The following ZNF607 variants were observed in gnomAD, a reference collection of about 807,000 sequenced individuals.
ZNF607 encodes the protein zinc finger protein 607.
In ZNF607, 5 loss-of-function variants were observed where a neutral mutation model predicts 12.8. That is an observed-to-expected ratio of 0.39 (90% CI 0.20 to 0.82). ZNF607 has a LOEUF of 0.82. Ranked by LOEUF, ZNF607 falls within the 40% of genes least tolerant of loss-of-function variation. The probability of loss-of-function intolerance (pLI) is 0.39; values close to 1 mark genes in which losing one functional copy is unlikely to be tolerated. For synonymous variants in ZNF607, 287 were observed against 276.2 expected, an observed-to-expected ratio of 1.04 and a Z score of -0.39; for missense variants, 851 against 859.2, an observed-to-expected ratio of 0.99 and a Z score of 0.12.
chr19:37,717,571 G>A (rs974931919), intron 1 of ZNF607, among the ~76,000 whole-genome samples: 2 of 150,034 alleles, frequency 1.3e-5, no homozygotes, highest in African/African-American at 5.0e-5. Flanking sequence ...CAAGGTGGGT[G>A]GATCACCTGA....
At chr19:37,705,850 TTCTC>T (rs748889186) in intron 4 of ZNF607, among the ~76,000 whole-genome samples, 5 of 152,036 alleles carry the variant, frequency 3.3e-5, no homozygotes, top group East Asian at 3.9e-4. Context: ...TTCTCTCTCT[TTCTC>T]TCTCTTTTGT....
chr19:37,719,095 A>C (rs1345977772), intron 1 of ZNF607, 174 bp downstream of exon 1: 1 of 152,612 alleles, frequency 6.6e-6, no homozygotes, highest in Non-Finnish European at 1.5e-5. Context: ...AAGACTCAGT[A>C]TCTGATTTCC....
Position 37,697,984 on chromosome 19 carries a change from A to G in ZNF607, c.*56T>C. The G allele has an allele frequency of 2.0e-6, 3 of 1,465,024 alleles. No individual in the cohort carries two copies. Among genetic ancestry groups the G allele is most frequent in the Non-Finnish European group, 2.7e-6 (3 of 1,096,354 alleles). The allele number at this position is 1,465,024 out of a possible 1,614,324, so 90.8% of individuals were successfully genotyped here. ...CTTCATTCAAATTGTTCAGTGGGAT[A>G]AATCCATTGACACAATGTGCTTTCT... On this transcript the variant is annotated 3_prime_UTR_variant, in exon 5 of 5. Transcript: ENST00000355202.
chr19:37,719,539 C>A lies in ZNF607; in HGVS notation c.-345G>T, dbSNP rs1436780921. The stretch of plus-strand genomic sequence containing the variant: ...CAGAGGCTCCCGCAGTGACCTGCGC[C>A]GCCTTCTTCAGGTGGAACCAAAAGG... On this transcript the variant is annotated 5_prime_UTR_variant, in exon 1 of 5. Transcript: ENST00000355202. 2 of 152,354 alleles carry A rather than the reference C, an allele frequency of 1.3e-5. No homozygotes were observed. The highest frequency in any genetic ancestry group is 4.8e-5 in the African/African-American group (2 of 41,476). 9.4% of individuals were successfully genotyped at this position (152,354 alleles called of 1,614,324 possible).
rs1281703370 is a variant in ZNF607 at position 37,714,991 on chromosome 19, C to T, written c.-74-3299G>A. The stretch of plus-strand genomic sequence containing the variant: ...GCACAATCTTGGCTCACTGCAACCT[C>T]CACCTCCCAGGTTCAAGCTATTCTC... On this transcript the variant is annotated intron_variant, in intron 1 of 4. Transcript: ENST00000355202. Among the ~76,000 whole-genome samples, 3 of 152,022 alleles carry T rather than the reference C, an allele frequency of 2.0e-5. No individual in the cohort carries two copies. The South Asian group carries it at 6.2e-4, about 32-fold the overall frequency.
At position 37,699,728 on chromosome 19, in the gene ZNF607, T is replaced by C. The variant is rs1294010070; in HGVS notation, c.403A>G (p.Ile135Val). The C allele has an allele frequency of 6.2e-7, 1 of 1,614,094 alleles. No homozygotes were observed. Among genetic ancestry groups the C allele is most frequent in the South Asian group, 1.1e-5 (1 of 91,072 alleles). Reference protein sequence around the residue: ...HLTELMVHQTIHTSEEPDQCE... With the variant: ...HLTELMVHQTVHTSEEPDQCE... ...TGATCAGGTTCCTCACTAGTATGAATTGTTTGATGTACCATGAGTTCTGTA... is the reference window on the plus strand; with the variant it reads ...TGATCAGGTTCCTCACTAGTATGAACTGTTTGATGTACCATGAGTTCTGTA... The change falls in exon 5 of 5, where the codon ATT becomes GTT. Residue 135 changes from isoleucine (I) to valine (V), a missense_variant. By Grantham distance (29) the Ile-to-Val change is conservative. Coordinates refer to ENST00000355202, the MANE Select transcript of ZNF607 (RefSeq NM_032689.5).
chr19:37,712,923 T>C (rs1228238308), intron 1 of ZNF607, among the ~76,000 whole-genome samples: 1 of 152,126 alleles, frequency 6.6e-6, no homozygotes, highest in Non-Finnish European at 1.5e-5. Context: ...TCCAACAACA[T>C]GGGGAACTGT....
Position 37,697,133 on chromosome 19 carries a change from G to A in ZNF607, c.*907C>T. 1 of 747,086 alleles carries A rather than the reference G, an allele frequency of 1.3e-6. No individual in the cohort carries two copies. The highest frequency in any genetic ancestry group is 2.5e-6 in the Non-Finnish European group (1 of 398,870). 46.3% of individuals were successfully genotyped at this position (747,086 alleles called of 1,614,324 possible). On this transcript the variant is annotated 3_prime_UTR_variant, in exon 5 of 5. Coordinates refer to ENST00000355202, the MANE Select transcript of ZNF607 (RefSeq NM_032689.5). ...TGGGCCGGAAGAGGATGCACAGTGT[G>A]ATGTTGACATTCTGTAAATCTTTGC... is the stretch of plus-strand genomic sequence containing the variant.
intron 1 of ZNF607, among the ~76,000 whole-genome samples, chr19:37,714,545 C>T (rs918895210): frequency 7.9e-6 from 1 of 126,472 alleles, no homozygotes; most frequent in Admixed American, 9.3e-5. Context: ...GCCTGGATGG[C>T]AGAGTGAGAC....
At chr19:37,701,347 C>T (rs1199628861) in intron 4 of ZNF607, among the ~76,000 whole-genome samples, 3 of 152,202 alleles carry the variant, frequency 2.0e-5, no homozygotes, top group Non-Finnish European at 2.9e-5. Flanking sequence ...TCCTCTAAAG[C>T]AACCTTTTTC....
chr19:37,701,103 A>G (rs1299088522), intron 4 of ZNF607, among the ~76,000 whole-genome samples: 1 of 152,214 alleles, frequency 6.6e-6, no homozygotes, highest in Non-Finnish European at 1.5e-5. Context: ...ATTTCTCAAT[A>G]TCTGAATTTT....
rs184209892 is a variant in ZNF607, at chr19:37,701,300, T to C, written c.236-1405A>G. Among the ~76,000 whole-genome samples, 455 of 152,340 alleles carry C rather than the reference T, an allele frequency of 3.0e-3. 1 individual carries two copies. The highest frequency in any genetic ancestry group is 4.5e-3 in the Non-Finnish European group (306 of 68,038). On this transcript the variant is annotated intron_variant, in intron 4 of 4. Coordinates refer to ENST00000355202, the MANE Select transcript of ZNF607 (RefSeq NM_032689.5). Reference sequence around the variant, plus strand: ...TCTCTTCAAAGAATTAATCTATCAGTATGTTCAATCTTTGCCTTCTACATT... The same window carrying C: ...TCTCTTCAAAGAATTAATCTATCAGCATGTTCAATCTTTGCCTTCTACATT...
chr19:37,703,408 T>C (rs1169501042), intron 4 of ZNF607, among the ~76,000 whole-genome samples: 19 of 152,232 alleles, frequency 1.2e-4, no homozygotes, highest in Middle Eastern at 3.4e-3. Context: ...TCAAAACACT[T>C]TAATTAAAAG....
Position 37,698,195 on chromosome 19 carries a change from T to A in ZNF607, c.1936A>T (p.Met646Leu). 1 of 1,614,034 alleles carries A rather than the reference T, an allele frequency of 6.2e-7. No homozygotes were observed. The highest frequency in any genetic ancestry group is 8.5e-7 in the Non-Finnish European group (1 of 1,180,010). ...AAAGCTTTCCCACACTCTTCACACA[T>A]ATAGGGATTTCCATCAGCATGAACG... ...ESVHADGNPY[M>L]CEECGKAFNS... Residue 646 changes from methionine (M) to leucine (L), a missense_variant, in exon 5 of 5, where the codon ATG becomes TTG. Met to Leu is a conservative substitution (Grantham distance 15, BLOSUM62 2). Transcript: ENST00000355202.
At chr19:37,709,238 C>G (rs572192625) in intron 3 of ZNF607, among the ~76,000 whole-genome samples, 2 of 152,288 alleles carry the variant, frequency 1.3e-5, no homozygotes, top group South Asian at 4.1e-4. Flanking sequence ...TCCAGTCCAC[C>G]ACTCTATGCC....
At position 37,697,041 on chromosome 19, in the gene ZNF607, A is replaced by G; in HGVS notation, c.*999T>C. 4.1e-6 allele frequency: 3 copies of G among 732,186 alleles called. No individual in the cohort carries two copies. Among genetic ancestry groups the G allele is most frequent in the South Asian group, 1.4e-5 (1 of 71,724 alleles). The allele number at this position is 732,186 out of a possible 1,614,324, so 45.4% of individuals were successfully genotyped here. A position where few individuals can be genotyped will look rare whatever the true frequency, so the allele number is the denominator to read the frequency against. On this transcript the variant is annotated 3_prime_UTR_variant, in exon 5 of 5. Coordinates refer to ENST00000355202, the MANE Select transcript of ZNF607 (RefSeq NM_032689.5). ...TGACTTGAGGATCTCCGTGGTAATGAACGGCAGCACACACTCATCGTAGTC... is the reference window on the plus strand; with the variant it reads ...TGACTTGAGGATCTCCGTGGTAATGGACGGCAGCACACACTCATCGTAGTC...
chr19:37,714,279 G>C (rs374384182), intron 1 of ZNF607, among the ~76,000 whole-genome samples: 23 of 150,874 alleles, frequency 1.5e-4, no homozygotes, highest in African/African-American at 5.6e-4. Context: ...CCAAGATCGC[G>C]CCACTGCACT....
In ZNF607 at chr19:37,699,481, C is replaced by G. The variant is rs762910706; in HGVS notation, c.650G>C (p.Arg217Thr). The G allele has an allele frequency of 6.2e-7, 1 of 1,613,882 alleles. No individual in the cohort carries two copies. Among genetic ancestry groups the G allele is most frequent in the Non-Finnish European group, 8.5e-7 (1 of 1,179,866 alleles). ...GTAGGGTTTCTCACCATAATGAAAT[C>G]TATGATGTACAGTAAGTTGACGGCT... ...RTSRQLTVHH[R>T]FHYGEKPYEC... The change falls in exon 5 of 5, where the codon AGA becomes ACA. Residue 217 changes from arginine (R) to threonine (T), a missense_variant. By Grantham distance (71) the Arg-to-Thr change is moderately conservative (BLOSUM62 -1). Coordinates refer to ENST00000355202, the MANE Select transcript of ZNF607 (RefSeq NM_032689.5).
At chr19:37,708,924 T>G (rs535115189) in intron 3 of ZNF607, among the ~76,000 whole-genome samples, 1 of 151,894 alleles carries the variant, frequency 6.6e-6, no homozygotes, top group African/African-American at 2.4e-5. Context: ...GCAAGTTACT[T>G]ACACTGCTGG....
Sources: gnomAD v4.1 joint callset for allele counts (sites outside exome capture counted in the v4.1 genomes callset) on GRCh38, gnomAD v4.1.1 for gene constraint, MANE v1.5 for transcripts, NCBI Gene and HGNC (gene_info 2026-07-23, HGNC 2026-07-21) for gene names.